NREP: variants seen among roughly 807,000 people sequenced by gnomAD.
NREP encodes the protein neuronal regeneration-related protein.
A neutral mutation model predicts 8.6 loss-of-function variants in NREP; 5 were observed. The ratio of observed to expected loss-of-function variants is 0.58; its 90% CI spans 0.30 to 1.22. The LOEUF (loss-of-function observed/expected upper bound fraction) is 1.22. NREP is among the 50% of genes most tolerant of loss of function. The probability of loss-of-function intolerance (pLI) is 0.07; values close to 1 mark genes in which losing one functional copy is unlikely to be tolerated. For missense variants in NREP, 86 were observed against 82.5 expected (o/e 1.04, Z -0.17); for synonymous variants, 27 against 28.0 (o/e 0.96, Z 0.11).
At chr5:111,841,994 T>C (rs1753041671) in intron 2 of NREP, among the ~76,000 whole-genome samples, 1 of 152,120 alleles carries the variant, frequency 6.6e-6, no homozygotes, top group South Asian at 2.1e-4. Flanking sequence ...TCTGGTGTGA[T>C]TGTATTTTTG....
chr5:111,800,076 C>T (rs942222180), intron 2 of NREP, among the ~76,000 whole-genome samples: 4 of 144,134 alleles, frequency 2.8e-5, no homozygotes, highest in East Asian at 2.1e-4. Context: ...CCCACCACCA[C>T]GCCAACTACT....
At chr5:111,865,656 C>A (rs1044098719) in intron 2 of NREP, among the ~76,000 whole-genome samples, 1 of 152,126 alleles carries the variant, frequency 6.6e-6, no homozygotes, top group African/African-American at 2.4e-5. Context: ...TAATACTGAT[C>A]TTGCAAAATC....
intron 2 of NREP, among the ~76,000 whole-genome samples, chr5:111,971,423 TA>T (rs925396106): frequency 6.6e-6 from 1 of 151,400 alleles, no homozygotes; most frequent in African/African-American, 2.4e-5. Context: ...ACTAAACAAA[TA>T]AAAAAAACAC....
At chr5:111,762,102 G>A (rs1173847543), upstream of NREP, among the ~76,000 whole-genome samples, 1 of 152,122 alleles carries the variant, frequency 6.6e-6, no homozygotes, top group Non-Finnish European at 1.5e-5. Flanking sequence ...GAGGGCATGG[G>A]AAAGGAAAAG....
intron 2 of NREP, among the ~76,000 whole-genome samples, chr5:111,793,813 C>T (rs1478162120): frequency 6.6e-6 from 1 of 152,132 alleles, no homozygotes; most frequent in African/African-American, 2.4e-5. Flanking sequence ...AATTCCAGCA[C>T]TTTGGGAGGC....
At position 111,955,499 on chromosome 5, in the gene NREP, A is replaced by C. The variant is rs570238621; in HGVS notation, c.135+19775T>G. ...AAAAAAAACAAAAAACAAAAAACAA[A>C]AAAAAAAAACACATTCGGTTCTAAG... On this transcript the variant is annotated intron_variant, in intron 2 of 3. Transcript: ENST00000395634. Among the ~76,000 whole-genome samples the C allele has an allele frequency of 5.9e-3, 291 of 49,498 alleles. 1 individual carries two copies. Among genetic ancestry groups the C allele is most frequent in the East Asian group, 0.026 (58 of 2,204 alleles). The allele number at this position is 49,498 out of a possible 152,430, so 32.5% of individuals were successfully genotyped here. A position where few individuals can be genotyped will look rare whatever the true frequency, so the allele number is the denominator to read the frequency against.
intron 2 of NREP, among the ~76,000 whole-genome samples, chr5:111,748,274 C>G (rs1039434861): frequency 1.3e-5 from 2 of 152,154 alleles, no homozygotes; most frequent in Non-Finnish European, 2.9e-5. Flanking sequence ...TTTGAGCCTT[C>G]TAAAATGTTC....
At chr5:111,881,312 A>G (rs1198450093) in intron 2 of NREP, among the ~76,000 whole-genome samples, 1 of 152,166 alleles carries the variant, frequency 6.6e-6, no homozygotes, top group Non-Finnish European at 1.5e-5. Flanking sequence ...TTAGGTAAAC[A>G]AAGCAGCCTG....
At chr5:111,769,120 A>T (rs1261205934) in intron 2 of NREP, among the ~76,000 whole-genome samples, 2 of 152,146 alleles carry the variant, frequency 1.3e-5, no homozygotes, top group Non-Finnish European at 2.9e-5. Flanking sequence ...TTAATCCTAT[A>T]TCTTAAATGG....
At chr5:111,870,400 A>G (rs887449397) in intron 2 of NREP, among the ~76,000 whole-genome samples, 1 of 152,218 alleles carries the variant, frequency 6.6e-6, no homozygotes, top group Admixed American at 6.5e-5. Context: ...ACTGCACTCC[A>G]GCCTGGTTAA....
At chr5:111,960,137 C>T (rs1211752858) in intron 2 of NREP, among the ~76,000 whole-genome samples, 3 of 152,122 alleles carry the variant, frequency 2.0e-5, no homozygotes, top group African/African-American at 7.2e-5. Flanking sequence ...CATTCTATTA[C>T]AAATTATGTT....
chr5:111,841,390 C>G (rs535455066), intron 2 of NREP, among the ~76,000 whole-genome samples: 1 of 152,224 alleles, frequency 6.6e-6, no homozygotes, highest in East Asian at 1.9e-4. Context: ...TGTCCCCGGA[C>G]AGAAATCAAG....
intron 2 of NREP, among the ~76,000 whole-genome samples, chr5:111,875,352 T>A (rs1192197193): frequency 6.6e-6 from 1 of 151,994 alleles, no homozygotes; most frequent in Non-Finnish European, 1.5e-5. Context: ...GAGTTATCAA[T>A]TAATTAAAAA....
intron 2 of NREP, among the ~76,000 whole-genome samples, chr5:111,832,739 C>T (rs367856947): frequency 2.0e-5 from 3 of 152,236 alleles, no homozygotes; most frequent in Non-Finnish European, 4.4e-5. Flanking sequence ...TCAGCTGCTA[C>T]GCTTTCCAGG....
intron 2 of NREP, among the ~76,000 whole-genome samples, chr5:111,746,034 A>G (rs1399894238): frequency 6.6e-6 from 1 of 152,184 alleles, no homozygotes; most frequent in Admixed American, 6.6e-5. Context: ...ATTCAATCAC[A>G]GTCAAAGATG....
At chr5:111,788,089 TCAA>T (rs1002566129) in intron 2 of NREP, among the ~76,000 whole-genome samples, 3 of 151,806 alleles carry the variant, frequency 2.0e-5, no homozygotes, top group Admixed American at 6.6e-5. Context: ...AGACCCTATC[TCAA>T]CAACAACAAC....
intron 2 of NREP, among the ~76,000 whole-genome samples, chr5:111,879,078 A>G (rs1188351377): frequency 6.6e-6 from 1 of 152,208 alleles, no homozygotes; most frequent in Non-Finnish European, 1.5e-5. Flanking sequence ...CCTTCCGCAT[A>G]GTAATGAGTT....
intron 2 of NREP, among the ~76,000 whole-genome samples, chr5:111,880,899 G>A (rs1448718937): frequency 5.9e-5 from 9 of 151,736 alleles, no homozygotes; most frequent in African/African-American, 1.2e-4. Context: ...CGTGAGCAAC[G>A]CAGAAGACGG....
chr5:111,915,043 C>T (rs1368039285), intron 2 of NREP, among the ~76,000 whole-genome samples: 1 of 152,074 alleles, frequency 6.6e-6, no homozygotes, highest in African/African-American at 2.4e-5. Context: ...CTCTGAATCC[C>T]TTTGACTATT....
Sources: gnomAD v4.1 joint callset for allele counts (sites outside exome capture counted in the v4.1 genomes callset) on GRCh38, gnomAD v4.1.1 for gene constraint, MANE v1.5 for transcripts, NCBI Gene and HGNC (gene_info 2026-07-23, HGNC 2026-07-21) for gene names.